Variants in ANXA11 observed in about 807,000 individuals in gnomAD.
The protein encoded by ANXA11 is 56 kDa autoantigen.
Under a neutral mutation model 64.7 loss-of-function variants are expected in ANXA11, and 57 were observed. The observed-to-expected ratio is 0.88, with a 90% CI of 0.71 to 1.10. The LOEUF (loss-of-function observed/expected upper bound fraction) is 1.10, where lower values mean the gene tolerates loss of function less well. ANXA11 is among the 50% of genes least tolerant of loss of function. The pLI, the probability that ANXA11 is intolerant of heterozygous loss-of-function variation, is 0.00. For synonymous variants in ANXA11, 260 were observed against 265.2 expected, an observed-to-expected ratio of 0.98 and a Z score of 0.19; for missense variants, 675 against 670.7, an observed-to-expected ratio of 1.01 and a Z score of -0.07.
At position 80,161,921 on chromosome 10, in the gene ANXA11, C is replaced by T; in HGVS notation, c.1180+14G>A. 1 of 1,608,564 alleles carries T rather than the reference C, an allele frequency of 6.2e-7. No homozygotes were observed. Among genetic ancestry groups the T allele is most frequent in the Non-Finnish European group, 8.5e-7 (1 of 1,177,472 alleles). ...TCATCTAACTGGCCTCTGAGGGACC[C>T]CAGCCTGCCTTACCTGCTACCAGGT... On this transcript the variant is annotated intron_variant, in intron 12 of 15. Transcript: ENST00000422982.
intron 12 of ANXA11, among the ~76,000 whole-genome samples, chr10:80,160,249 T>C (rs1161873483): frequency 6.6e-6 from 1 of 152,256 alleles, no homozygotes; most frequent in Non-Finnish European, 1.5e-5. Flanking sequence ...TGTTCTGTAC[T>C]CATTAAAAGA....
In ANXA11 at chr10:80,166,008, G is replaced by A. The variant is rs1490340515; in HGVS notation, c.858+76C>T. 11 of 932,882 alleles carry A rather than the reference G, an allele frequency of 1.2e-5. No individual in the cohort carries two copies. The Admixed American group carries it at 2.3e-4, about 20-fold the overall frequency. 57.8% of individuals were successfully genotyped at this position (932,882 alleles called of 1,614,324 possible). A position where few individuals can be genotyped will look rare whatever the true frequency, so the allele number is the denominator to read the frequency against. ...ATCCAGGCCTCCTTCTGGGCTGTGT[G>A]TCCACACGCATGCGCGCGTGCGCAC... On this transcript the variant is annotated intron_variant, in intron 8 of 15. Coordinates refer to ENST00000422982, the MANE Select transcript of ANXA11 (RefSeq NM_145868.2).
intron 6 of ANXA11, 103 bp from the exon 7 acceptor site, chr10:80,167,087 C>A: frequency 4.0e-6 from 5 of 1,260,968 alleles, no homozygotes; most frequent in Non-Finnish European, 5.6e-6. Flanking sequence ...GGCATGCTAG[C>A]CATACCCCCA....
In ANXA11 at chr10:80,159,101, C is replaced by A; in HGVS notation, c.1275G>T (p.Val425=). 1.2e-6 allele frequency: 2 copies of A among 1,613,686 alleles called. No individual in the cohort carries two copies. The highest frequency in any genetic ancestry group is 1.1e-5 in the South Asian group (1 of 91,042). ...GGGCGGCAAACCTGAGACACTTACC[C>A]ACGGCCAGCATGCCCTCCTCCAGGT... ...SGDLEEGMLA[V]VKCLKNTPAF... Residue 425 remains valine (V), a splice_region_variant and synonymous_variant, in exon 13 of 16, where the codon GTG becomes GTT. Coordinates refer to ENST00000422982, the MANE Select transcript of ANXA11 (RefSeq NM_145868.2).
At chr10:80,173,396 T>C (rs1846053468) in intron 2 of ANXA11, among the ~76,000 whole-genome samples, 1 of 152,232 alleles carries the variant, frequency 6.6e-6, no homozygotes, top group Admixed American at 6.5e-5. Flanking sequence ...TATGGAATCA[T>C]CGTTCCTAGA....
intron 15 of ANXA11, chr10:80,157,291 G>A (rs554117995): frequency 1.0e-6 from 1 of 985,446 alleles, no homozygotes; most frequent in Non-Finnish European, 1.2e-6. Flanking sequence ...CTTTGTCAGG[G>A]AGTGACAGCA....
chr10:80,170,707 G>C lies in ANXA11; in HGVS notation c.171+93C>G, dbSNP rs151023336. 153 of 1,015,876 alleles carry C rather than the reference G, an allele frequency of 1.5e-4. No individual in the cohort carries two copies. In the African/African-American group the frequency reaches 2.3e-3, roughly 15 times the overall value. The allele number at this position is 1,015,876 out of a possible 1,614,324, so 62.9% of individuals were successfully genotyped here. ...TACACACCACAGCAACACACACATA[G>C]ACAACTCTGGAGCCCCAGAGGCCAG... On this transcript the variant is annotated intron_variant, in intron 4 of 15. Transcript: ENST00000422982.
Position 80,167,257 on chromosome 10 carries a change from G to A in ANXA11, c.618C>T (p.Ala206=), listed in dbSNP as rs111286624. The change falls in exon 6 of 16, where the codon GCC becomes GCT. Residue 206 remains alanine, a synonymous_variant. Transcript: ENST00000422982. ...CTTTCATGGCCTTCCGCAGGACCTC[G>A]GCATCTCGCAGGGGGTCAAAGCCGG... is the stretch of plus-strand genomic sequence containing the variant. The part of the protein sequence containing the change: ...DAPGFDPLRD[A]EVLRKAMKGF... 1.3e-4 allele frequency: 215 copies of A among 1,614,140 alleles called. 1 individual carries two copies. The African/African-American group carries it at 2.4e-3, about 18-fold the overall frequency.
chr10:80,203,678 G>C (rs1168139573), intron 1 of ANXA11, among the ~76,000 whole-genome samples: 1 of 152,114 alleles, frequency 6.6e-6, no homozygotes, highest in African/African-American at 2.4e-5. Flanking sequence ...TGCAAGGCGA[G>C]AGATGAGAAC....
chr10:80,170,662 TA>T, intron 4 of ANXA11, 137 bp downstream of exon 4: 1 of 549,054 alleles, frequency 1.8e-6, no homozygotes. Flanking sequence ...AACCCTGTTC[TA>T]AGGTACAGCT....
intron 1 of ANXA11, among the ~76,000 whole-genome samples, chr10:80,196,162 C>T (rs1840153090): frequency 6.6e-6 from 1 of 152,192 alleles, no homozygotes. Flanking sequence ...CATTAACCTC[C>T]ACAATGCTCC....
chr10:80,193,125 T>A (rs180970637), intron 1 of ANXA11, among the ~76,000 whole-genome samples: 2 of 152,136 alleles, frequency 1.3e-5, no homozygotes, highest in Non-Finnish European at 2.9e-5. Flanking sequence ...AGGGAAAGCA[T>A]CCACCTGAGG....
chr10:80,166,721 C>G, intron 7 of ANXA11, 169 bp downstream of exon 7: 1 of 622,248 alleles, frequency 1.6e-6, no homozygotes, highest in Non-Finnish European at 2.8e-6. Flanking sequence ...CGGTGGCATC[C>G]TTCACCTCCC....
At chr10:80,165,124 C>T (rs559088150) in intron 8 of ANXA11, among the ~76,000 whole-genome samples, 3 of 152,310 alleles carry the variant, frequency 2.0e-5, no homozygotes, top group South Asian at 2.1e-4. Flanking sequence ...CCTGGGGCCC[C>T]GGGCCATCGC....
At chr10:80,158,729 G>A (rs1025062264) in intron 13 of ANXA11, among the ~76,000 whole-genome samples, 6 of 152,116 alleles carry the variant, frequency 3.9e-5, no homozygotes, top group Non-Finnish European at 7.4e-5. Flanking sequence ...ATCTTTCCAC[G>A]TGTTTCCATC....
At chr10:80,176,202 G>A (rs1369687362) in intron 1 of ANXA11, 47 bp from the exon 2 acceptor site, 1 of 152,186 alleles carries the variant, frequency 6.6e-6, no homozygotes, top group Non-Finnish European at 1.5e-5. Flanking sequence ...AGCCTTATCT[G>A]CAACAACTCC....
At chr10:80,164,842 G>A (rs532244756) in intron 8 of ANXA11, among the ~76,000 whole-genome samples, 9 of 152,348 alleles carry the variant, frequency 5.9e-5, no homozygotes, top group African/African-American at 1.9e-4. Flanking sequence ...GTTAATGTAC[G>A]TAGAGCACTT....
At chr10:80,197,556 A>G (rs529123954) in intron 1 of ANXA11, among the ~76,000 whole-genome samples, 47 of 151,912 alleles carry the variant, frequency 3.1e-4, no homozygotes, top group African/African-American at 1.0e-3. Flanking sequence ...CTGCCCTCAA[A>G]CTCTCCTAGA....
At position 80,155,731 on chromosome 10, in the gene ANXA11, TA is replaced by T; in HGVS notation, c.*121del. 9.8e-7 allele frequency: 1 copy of T among 1,016,460 alleles called. No individual in the cohort carries two copies. The highest frequency in any genetic ancestry group is 1.6e-5 in the African/African-American group (1 of 63,844). 63.0% of individuals were successfully genotyped at this position (1,016,460 alleles called of 1,614,324 possible). ...GGTCAGGAGGGGTGGAAGACAGGCC[TA>T]AGCTCTAGGACGGTGAATCTCGGGG... On this transcript the variant is annotated 3_prime_UTR_variant, in exon 16 of 16. Transcript: ENST00000422982.
Sources: allele counts gnomAD v4.1 joint callset (sites outside exome capture counted in the v4.1 genomes callset), GRCh38; gene constraint gnomAD v4.1.1; transcripts MANE v1.5; gene names NCBI Gene and HGNC (gene_info 2026-07-23, HGNC 2026-07-21).